The following AGMO variants were observed in gnomAD, a reference collection of about 807,000 sequenced individuals.
AGMO encodes the protein alkylglycerol monooxygenase, also known as glyceryl-ether monooxygenase.
AGMO carries 75 observed loss-of-function variants against 60.2 expected under a neutral mutation model. That is an observed-to-expected ratio of 1.25 (90% CI 1.03 to 1.51). AGMO has a LOEUF of 1.51. AGMO is among the 40% of genes most tolerant of loss of function. The pLI, the probability that AGMO is intolerant of heterozygous loss-of-function variation, is 0.00. For missense variants in AGMO, 763 were observed against 525.5 expected, an observed-to-expected ratio of 1.45 and a Z score of -4.42; for synonymous variants, 261 against 177.1, an observed-to-expected ratio of 1.47 and a Z score of -3.76.
intron 12 of AGMO, among the ~76,000 whole-genome samples, chr7:15,237,830 C>A (rs1464648308): frequency 6.6e-6 from 1 of 152,038 alleles, no homozygotes; most frequent in African/African-American, 2.4e-5. Context: ...TGTTAGAAAA[C>A]AGAATTGTAA....
At chr7:15,186,179 T>C in the AGMO span, among the ~76,000 whole-genome samples, 1 of 152,200 alleles carries the variant, frequency 6.6e-6, no homozygotes, top group Admixed American at 6.5e-5. Context: ...CTGTTGGTAA[T>C]AAGCCACTTT....
chr7:15,377,716 G>T lies in AGMO; in HGVS notation c.1074+7730C>A, dbSNP rs183964822. On this transcript the variant is annotated intron_variant, in intron 10 of 12. Coordinates refer to ENST00000342526, the MANE Select transcript of AGMO (RefSeq NM_001004320.2). ...ACAGATGACCCTGGCTTTTCTTTTG[G>T]TCTCATTCAACTATTTAAGCTCTAT... 4.0e-3 allele frequency among the ~76,000 whole-genome samples: 610 copies of T among 152,056 alleles called. 6 individuals carry two copies. The highest frequency in any genetic ancestry group is 0.014 in the African/African-American group (569 of 41,456).
intron 12 of AGMO, among the ~76,000 whole-genome samples, chr7:15,222,939 T>TTAG (rs1193111677): frequency 8.0e-6 from 1 of 125,636 alleles, no homozygotes; most frequent in Non-Finnish European, 1.5e-5. Flanking sequence ...GCAGTTAATA[T>TTAG]ACAATTTTTC....
At chr7:15,277,322 TAAATAAA>T (rs1783828039) in intron 12 of AGMO, among the ~76,000 whole-genome samples, 1 of 128,100 alleles carries the variant, frequency 7.8e-6, no homozygotes, top group Non-Finnish European at 1.5e-5. Context: ...AATAAATAAA[TAAATAAA>T]TAAATAAATA....
intron 3 of AGMO, among the ~76,000 whole-genome samples, chr7:15,496,518 G>C (rs1002663116): frequency 6.7e-6 from 1 of 149,016 alleles, no homozygotes; most frequent in Non-Finnish European, 1.5e-5. Flanking sequence ...GCATTTTTTC[G>C]TATTTGCTTG....
At chr7:15,408,904 G>C (rs2128491847) in intron 5 of AGMO, among the ~76,000 whole-genome samples, 1 of 151,898 alleles carries the variant, frequency 6.6e-6, no homozygotes, top group Middle Eastern at 3.4e-3. Flanking sequence ...AACATTTTCT[G>C]GGGAAGGGAG....
At chr7:15,530,554 C>T (rs1169059185) in intron 3 of AGMO, among the ~76,000 whole-genome samples, 4 of 58,412 alleles carry the variant, frequency 6.8e-5, no homozygotes, top group African/African-American at 6.6e-5. Flanking sequence ...ATTCTATATA[C>T]GTATTTCTAT....
At chr7:15,357,169 T>C (rs1025217908) in intron 12 of AGMO, among the ~76,000 whole-genome samples, 9 of 148,074 alleles carry the variant, frequency 6.1e-5, no homozygotes, top group South Asian at 2.2e-4. Context: ...TGAGTCAAAA[T>C]TGCTCTATAC....
chr7:15,266,020 T>C (rs891984608), intron 12 of AGMO, among the ~76,000 whole-genome samples: 1 of 152,050 alleles, frequency 6.6e-6, no homozygotes, highest in Non-Finnish European at 1.5e-5. Context: ...TAAGTGAAAT[T>C]AGCCAGTTAG....
intron 12 of AGMO, among the ~76,000 whole-genome samples, chr7:15,343,599 T>G (rs1406257194): frequency 6.6e-6 from 1 of 152,164 alleles, no homozygotes; most frequent in Non-Finnish European, 1.5e-5. Flanking sequence ...AAGAGTAACA[T>G]CAAAATTCTG....
intron 5 of AGMO, among the ~76,000 whole-genome samples, chr7:15,414,858 T>G (rs1276522211): frequency 6.6e-6 from 1 of 152,176 alleles, no homozygotes; most frequent in East Asian, 1.9e-4. Flanking sequence ...GTGGTCAACT[T>G]TTTCTCAACA....
intron 3 of AGMO, among the ~76,000 whole-genome samples, chr7:15,480,383 A>C (rs2128516868): frequency 6.6e-6 from 1 of 152,288 alleles, no homozygotes; most frequent in East Asian, 1.9e-4. Flanking sequence ...ATGAAGGAGT[A>C]AAAATGGGAT....
chr7:15,125,474 A>G, the AGMO span, among the ~76,000 whole-genome samples: 1 of 152,124 alleles, frequency 6.6e-6, no homozygotes. Context: ...TAACTTTTTA[A>G]ATAACTTCCA....
At chr7:15,364,399 C>T (rs144924196) in intron 12 of AGMO, among the ~76,000 whole-genome samples, 3,390 of 152,036 alleles carry the variant, frequency 0.022, 63 homozygotes, top group Middle Eastern at 0.099. Flanking sequence ...CACAGAGAAT[C>T]CTGTATCATG....
At chr7:15,204,299 C>G (rs1781385016) in intron 12 of AGMO, among the ~76,000 whole-genome samples, 1 of 152,072 alleles carries the variant, frequency 6.6e-6, no homozygotes. Flanking sequence ...CAACTGTTCT[C>G]TTGATTTTTG....
chr7:15,238,340 T>G (rs1237595366), intron 12 of AGMO, among the ~76,000 whole-genome samples: 4 of 151,970 alleles, frequency 2.6e-5, no homozygotes, highest in African/African-American at 9.7e-5. Flanking sequence ...AGTTATAGTA[T>G]TCAAAAGTTC....
In AGMO at chr7:15,329,247, C is replaced by G. The variant is rs141687142; in HGVS notation, c.1263+36267G>C. On this transcript the variant is annotated intron_variant, in intron 12 of 12. Transcript: ENST00000342526. ...GATATACTTTAATTGTTTCGGTATACTAAATACCCAAGACAATTCTTGACA... is the reference window on the plus strand; with the variant it reads ...GATATACTTTAATTGTTTCGGTATAGTAAATACCCAAGACAATTCTTGACA... 7.2e-5 allele frequency among the ~76,000 whole-genome samples: 11 copies of G among 152,254 alleles called. No individual in the cohort carries two copies. The East Asian group carries it at 1.9e-3, about 27-fold the overall frequency.
At chr7:15,285,288 A>T (rs1284656885) in intron 12 of AGMO, among the ~76,000 whole-genome samples, 1 of 152,078 alleles carries the variant, frequency 6.6e-6, no homozygotes, top group Non-Finnish European at 1.5e-5. Flanking sequence ...AAGTTAAACT[A>T]TCATTGTTCA....
chr7:15,477,711 T>C (rs1782634006), intron 3 of AGMO, among the ~76,000 whole-genome samples: 1 of 152,162 alleles, frequency 6.6e-6, no homozygotes, highest in African/African-American at 2.4e-5. Flanking sequence ...AGAAATATTA[T>C]AGCCTTGATC....
Sources: gnomAD v4.1 joint callset for allele counts (sites outside exome capture counted in the v4.1 genomes callset) on GRCh38, gnomAD v4.1.1 for gene constraint, MANE v1.5 for transcripts, NCBI Gene and HGNC (gene_info 2026-07-23, HGNC 2026-07-21) for gene names.